The following PPHLN1 variants were observed in gnomAD, a reference collection of about 807,000 sequenced individuals.
PPHLN1 encodes periphilin 1, also known as periphilin-1.
A neutral mutation model predicts 51.3 loss-of-function variants in PPHLN1; 29 were observed. The ratio of observed to expected loss-of-function variants is 0.57; its 90% CI spans 0.42 to 0.77. The LOEUF is 0.77. Ranked by LOEUF, PPHLN1 falls within the 30% of genes least tolerant of loss-of-function variation. The pLI, the probability that PPHLN1 is intolerant of heterozygous loss-of-function variation, is 0.00. For synonymous variants in PPHLN1, 147 were observed against 147.8 expected, an observed-to-expected ratio of 0.99 and a Z score of 0.04; for missense variants, 436 against 438.4, an observed-to-expected ratio of 0.99 and a Z score of 0.05.
chr12:42,351,998 C>T lies in PPHLN1; in HGVS notation c.186C>T (p.Asp62=), dbSNP rs749344883. 16 of 1,559,934 alleles carry T rather than the reference C, an allele frequency of 1.0e-5. No homozygotes were observed. The African/African-American group carries it at 1.3e-4, about 12-fold the overall frequency. ...YYSHVDYRDY[D]EGRSFSHDRR... ...GTCATGTTGATTACCGAGACTATGACGAGGGCCGCAGTTTTTCTCATGATC... is the reference window on the plus strand; with the variant it reads ...GTCATGTTGATTACCGAGACTATGATGAGGGCCGCAGTTTTTCTCATGATC... Residue 62 remains aspartate (D), a synonymous_variant, in exon 3 of 10, where the codon GAC becomes GAT. Transcript: ENST00000358314.
At chr12:42,404,347 A>G (rs1449004435) in intron 9 of PPHLN1, among the ~76,000 whole-genome samples, 3 of 151,966 alleles carry the variant, frequency 2.0e-5, no homozygotes, top group Admixed American at 2.0e-4. Flanking sequence ...TGGCCAACAT[A>G]GTGAAACACC....
At chr12:42,362,030 G>T (rs2138471335) in intron 4 of PPHLN1, among the ~76,000 whole-genome samples, 1 of 152,230 alleles carries the variant, frequency 6.6e-6, no homozygotes, top group Non-Finnish European at 1.5e-5. Flanking sequence ...CCACGTTCTT[G>T]CCAATGCTTG....
intron 9 of PPHLN1, among the ~76,000 whole-genome samples, chr12:42,438,630 C>G (rs562418986): frequency 9.3e-4 from 141 of 152,244 alleles, no homozygotes; most frequent in African/African-American, 3.3e-3. Flanking sequence ...GAGACAGAGT[C>G]TCACTCTGTA....
chr12:42,400,837 C>T (rs1462688915), intron 9 of PPHLN1, among the ~76,000 whole-genome samples: 6 of 151,390 alleles, frequency 4.0e-5, no homozygotes, highest in African/African-American at 1.2e-4. Context: ...CACACACGTG[C>T]ACGCAAGTGG....
At chr12:42,333,779 G>GC (rs1201136099) in intron 1 of PPHLN1, among the ~76,000 whole-genome samples, 2 of 152,172 alleles carry the variant, frequency 1.3e-5, no homozygotes, top group Non-Finnish European at 2.9e-5. Flanking sequence ...GCTGCGCCCG[G>GC]CCAACCTCCT....
At chr12:42,407,781 TTGTAAATAATTGCTA>T (rs1332532361) in intron 9 of PPHLN1, among the ~76,000 whole-genome samples, 1 of 152,250 alleles carries the variant, frequency 6.6e-6, no homozygotes, top group African/African-American at 2.4e-5. Flanking sequence ...AAATAATTGT[TTGTAAATAATTGCTA>T]TGTAAATAAT....
At chr12:42,349,379 T>G (rs961995799) in intron 2 of PPHLN1, among the ~76,000 whole-genome samples, 11 of 138,788 alleles carry the variant, frequency 7.9e-5, no homozygotes, top group Admixed American at 1.5e-4. Context: ...AAGGTTGGGC[T>G]TTATATTTTG....
downstream of PPHLN1, chr12:42,445,482 G>A (rs1188445325): frequency 1.3e-5 from 3 of 233,166 alleles, no homozygotes; most frequent in Non-Finnish European, 2.5e-5. Context: ...TGTATCCGTT[G>A]ACACCTATTC....
chr12:42,362,393 AT>A (rs2074794198), intron 4 of PPHLN1, among the ~76,000 whole-genome samples: 1 of 151,854 alleles, frequency 6.6e-6, no homozygotes, highest in Non-Finnish European at 1.5e-5. Flanking sequence ...AATTTATCTA[AT>A]TTTTTTCTTT....
chr12:42,384,013 C>CAAAAAAAAAAAAAAA (rs2076986597), intron 5 of PPHLN1, among the ~76,000 whole-genome samples: 1 of 73,610 alleles, frequency 1.4e-5, no homozygotes. Context: ...AAAAAAAAAG[C>CAAAAAAAAAAAAAAA]AAGAATCAAG....
intron 2 of PPHLN1, among the ~76,000 whole-genome samples, chr12:42,344,966 C>A (rs2072074454): frequency 6.6e-6 from 1 of 152,072 alleles, no homozygotes; most frequent in South Asian, 2.1e-4. Context: ...CCCCCTCAGC[C>A]TCCCAAAGTG....
intron 8 of PPHLN1, 62 bp from the exon 9 acceptor site, chr12:42,398,792 A>G (rs2078523256): frequency 1.3e-6 from 2 of 1,507,528 alleles, no homozygotes; most frequent in East Asian, 2.3e-5. Flanking sequence ...CCTATACACA[A>G]CCATCTGAAC....
intron 4 of PPHLN1, chr12:42,374,633 T>TTTTTTG: frequency 6.8e-6 from 2 of 293,794 alleles, no homozygotes; most frequent in Non-Finnish European, 6.3e-6. Context: ...TTTTTGTATT[T>TTTTTTG]TTAGTAGAGA....
intron 9 of PPHLN1, among the ~76,000 whole-genome samples, chr12:42,438,857 C>T (rs2082701133): frequency 1.3e-5 from 2 of 152,212 alleles, no homozygotes; most frequent in East Asian, 1.9e-4. Flanking sequence ...CTGCCTCAGC[C>T]TCCCAAAGTG....
chr12:42,349,494 A>C (rs1453598179), intron 2 of PPHLN1, among the ~76,000 whole-genome samples: 1 of 152,036 alleles, frequency 6.6e-6, no homozygotes, highest in African/African-American at 2.4e-5. Flanking sequence ...AGTGGAGAGA[A>C]GGTCAGCAGA....
At position 42,359,846 on chromosome 12, in the gene PPHLN1, G is replaced by A. The variant is rs557286771; in HGVS notation, c.299+4624G>A. The stretch of plus-strand genomic sequence containing the variant: ...AAATTGACCAGGTGTGATGGCTCAC[G>A]CCTGTAATCCCAACATTTTGGGAGG... On this transcript the variant is annotated intron_variant, in intron 4 of 9. Coordinates refer to ENST00000358314, the MANE Select transcript of PPHLN1 (RefSeq NM_201439.2). Among the ~76,000 whole-genome samples the A allele has an allele frequency of 2.4e-4, 36 of 152,202 alleles. No individual in the cohort carries two copies. In the South Asian group the frequency reaches 2.5e-3, roughly 11 times the overall value.
chr12:42,377,769 A>G (rs1005200947), intron 5 of PPHLN1, among the ~76,000 whole-genome samples: 2 of 148,646 alleles, frequency 1.3e-5, no homozygotes, highest in Admixed American at 1.4e-4. Flanking sequence ...TGAAGTTATT[A>G]AAGATAGTTA....
At chr12:42,379,147 C>G (rs1320525748) in intron 5 of PPHLN1, among the ~76,000 whole-genome samples, 1 of 151,140 alleles carries the variant, frequency 6.6e-6, no homozygotes, top group African/African-American at 2.4e-5. Flanking sequence ...CCATGTTTTC[C>G]TATCTTACCC....
intron 9 of PPHLN1, among the ~76,000 whole-genome samples, chr12:42,415,418 G>A (rs753979932): frequency 9.2e-5 from 14 of 152,262 alleles, no homozygotes; most frequent in African/African-American, 2.9e-4. Context: ...TGATTCACCC[G>A]CCTCGGCCTC....
Sources: allele counts gnomAD v4.1 joint callset (sites outside exome capture counted in the v4.1 genomes callset), GRCh38; gene constraint gnomAD v4.1.1; transcripts MANE v1.5; gene names NCBI Gene and HGNC (gene_info 2026-07-23, HGNC 2026-07-21).